ADGRL4: variants seen among roughly 807,000 people sequenced by gnomAD.
ADGRL4 encodes the protein adhesion G protein-coupled receptor L4.
Under a neutral mutation model 74.8 loss-of-function variants are expected in ADGRL4, and 90 were observed. That is an observed-to-expected ratio of 1.20 (90% confidence interval 1.02 to 1.43). ADGRL4 has a LOEUF of 1.43. Ranked by LOEUF, ADGRL4 falls within the 40% of genes most tolerant of loss-of-function variation. The pLI is 0.00. For missense variants in ADGRL4, 881 were observed against 814.3 expected (o/e 1.08, Z -1.00); for synonymous variants, 311 against 279.2 (o/e 1.11, Z -1.14).
chr1:78,900,673 A>G (rs936982125), intron 12 of ADGRL4, among the ~76,000 whole-genome samples: 3 of 151,832 alleles, frequency 2.0e-5, no homozygotes, highest in African/African-American at 4.8e-5. Flanking sequence ...TCCCTTCACT[A>G]TTCTTCTCTC....
Position 79,006,668 on chromosome 1 carries a change from A to C in ADGRL4, c.-14T>G. On this transcript the variant is annotated 5_prime_UTR_variant, in exon 1 of 15. Transcript: ENST00000370742. ...GAGGCGTTTCATTGGCGGTGGCCGC[A>C]GTGGTGGCGGTGGCGGAGAGCGCGG... The C allele has an allele frequency of 6.7e-7, 1 of 1,495,806 alleles. No homozygotes were observed. The highest frequency in any genetic ancestry group is 8.9e-7 in the Non-Finnish European group (1 of 1,124,392). 92.7% of individuals were successfully genotyped at this position (1,495,806 alleles called of 1,614,324 possible).
At chr1:78,998,858 C>A (rs972247816) in intron 2 of ADGRL4, among the ~76,000 whole-genome samples, 11 of 152,182 alleles carry the variant, frequency 7.2e-5, no homozygotes, top group African/African-American at 2.6e-4. Flanking sequence ...CTTTCTCTGG[C>A]AAATTACTTA....
chr1:78,893,083 T>C lies in ADGRL4; in HGVS notation c.1841+15A>G, dbSNP rs1461843911. On this transcript the variant is annotated intron_variant, in intron 13 of 14. Transcript: ENST00000370742. ...CAAAAAAAAAAAAAAAAAGTGAACT[T>C]AAAGACGCATTTACCTTATGTTCTC... is the stretch of plus-strand genomic sequence containing the variant. The C allele has an allele frequency of 7.2e-7, 1 of 1,388,682 alleles. No individual in the cohort carries two copies. The highest frequency in any genetic ancestry group is 2.5e-5 in the East Asian group (1 of 40,448). 86.0% of individuals were successfully genotyped at this position (1,388,682 alleles called of 1,614,324 possible).
chr1:78,992,769 T>A (rs2100735682), intron 2 of ADGRL4, among the ~76,000 whole-genome samples: 1 of 152,286 alleles, frequency 6.6e-6, no homozygotes, highest in South Asian at 2.1e-4. Flanking sequence ...TTCCATTTTT[T>A]ATCAATCCAA....
chr1:78,985,571 T>C (rs1459466374), intron 2 of ADGRL4, among the ~76,000 whole-genome samples: 3 of 151,872 alleles, frequency 2.0e-5, no homozygotes, highest in Non-Finnish European at 4.4e-5. Flanking sequence ...GATTTGTTAA[T>C]AACTATTGCA....
At chr1:78,983,435 G>A (rs1650434804) in intron 2 of ADGRL4, among the ~76,000 whole-genome samples, 1 of 147,600 alleles carries the variant, frequency 6.8e-6, no homozygotes, top group East Asian at 2.0e-4. Flanking sequence ...AGAGAACCAA[G>A]TAGAAGAAGC....
At position 78,938,009 on chromosome 1, in the gene ADGRL4, T is replaced by A; in HGVS notation, c.577-19A>T. On this transcript the variant is annotated intron_variant, in intron 5 of 14. Transcript: ENST00000370742. ...CAAATTCCTATTGAAAAAAAGTATG[T>A]CTTTTAGAAATGTTGGAATCCTACA... 1 of 1,607,350 alleles carries A rather than the reference T, an allele frequency of 6.2e-7. No individual in the cohort carries two copies. Among genetic ancestry groups the A allele is most frequent in the Non-Finnish European group, 8.5e-7 (1 of 1,177,744 alleles).
intron 13 of ADGRL4, 82 bp from the exon 14 acceptor site, chr1:78,891,774 G>T: frequency 1.6e-6 from 2 of 1,285,396 alleles, no homozygotes; most frequent in Non-Finnish European, 1.1e-6. Flanking sequence ...TATGTGGGAG[G>T]TGAGTTTTCA....
rs3063120 is a variant in ADGRL4, at chr1:78,969,707, GTTT to G, written c.173-23284_173-23282del. On this transcript the variant is annotated intron_variant, in intron 2 of 14. Coordinates refer to ENST00000370742, the MANE Select transcript of ADGRL4 (RefSeq NM_022159.4). ...TCAGTCCTTTGATGATGATTTGTGGGTTTTTTTTTTTTTTTAACAAAAATGAGG... is the reference window on the plus strand; with the variant it reads ...TCAGTCCTTTGATGATGATTTGTGGGTTTTTTTTTTTTAACAAAAATGAGG... 5.3e-3 allele frequency among the ~76,000 whole-genome samples: 767 copies of G among 144,002 alleles called. 3 individuals are homozygous for G. The highest frequency in any genetic ancestry group is 0.012 in the African/African-American group (462 of 39,316). 94.5% of individuals were successfully genotyped at this position (144,002 alleles called of 152,430 possible). A position where few individuals can be genotyped will look rare whatever the true frequency, so the allele number is the denominator to read the frequency against.
chr1:78,944,807 T>A (rs1385144980), intron 3 of ADGRL4, among the ~76,000 whole-genome samples: 2 of 152,140 alleles, frequency 1.3e-5, no homozygotes, highest in African/African-American at 4.8e-5. Flanking sequence ...CTTTTTTACA[T>A]AACAGAGTAA....
At chr1:79,005,270 T>G in intron 1 of ADGRL4, 51 bp from the exon 2 acceptor site, 6 of 1,359,872 alleles carry the variant, frequency 4.4e-6, no homozygotes, top group East Asian at 2.5e-5. Flanking sequence ...CAAACATCTC[T>G]CCCCATTGTT....
chr1:79,002,675 C>A (rs772696681), intron 2 of ADGRL4, among the ~76,000 whole-genome samples: 1 of 151,976 alleles, frequency 6.6e-6, no homozygotes, highest in African/African-American at 2.4e-5. Context: ...GAATCCAAGT[C>A]GGTTTGATTC....
chr1:78,939,335 ATC>A (rs1649427529), intron 3 of ADGRL4, 77 bp from the exon 4 acceptor site: 3 of 1,264,514 alleles, frequency 2.4e-6, no homozygotes, highest in Non-Finnish European at 3.1e-6. Context: ...AATCCCAATG[ATC>A]TTTCTCACTT....
At chr1:78,902,021 G>C (rs529306312) in intron 12 of ADGRL4, among the ~76,000 whole-genome samples, 1 of 152,230 alleles carries the variant, frequency 6.6e-6, no homozygotes, top group South Asian at 2.1e-4. Context: ...ACTAAAGTAG[G>C]CTCTTTATAT....
At chr1:79,003,675 T>A (rs758664193) in intron 2 of ADGRL4, among the ~76,000 whole-genome samples, 3 of 152,012 alleles carry the variant, frequency 2.0e-5, no homozygotes, top group African/African-American at 7.2e-5. Flanking sequence ...GAAAATTTTT[T>A]TATGTTACTT....
rs71643217 is a variant in ADGRL4 at position 78,981,885 on chromosome 1, T to C, written c.172+23185A>G. On this transcript the variant is annotated intron_variant, in intron 2 of 14. Coordinates refer to ENST00000370742, the MANE Select transcript of ADGRL4 (RefSeq NM_022159.4). ...TCCTTGACATAATTACAGCACAATT[T>C]ACTATTTTCACTTTATGTTCAATAT... Among the ~76,000 whole-genome samples, 479 of 151,956 alleles carry C rather than the reference T, an allele frequency of 3.2e-3. 2 individuals are homozygous for C. Among genetic ancestry groups the C allele is most frequent in the Non-Finnish European group, 5.5e-3 (375 of 67,854 alleles).
chr1:78,966,521 C>T (rs1473700426), intron 2 of ADGRL4, among the ~76,000 whole-genome samples: 1 of 152,116 alleles, frequency 6.6e-6, no homozygotes, highest in East Asian at 1.9e-4. Context: ...GCCTTTTCAT[C>T]CTTGGTCTTC....
intron 2 of ADGRL4, among the ~76,000 whole-genome samples, chr1:78,971,742 T>C (rs1021322): frequency 0.99 from 150,430 of 152,272 alleles, 74,341 homozygotes; most frequent in Middle Eastern, 1. Flanking sequence ...ATGACGTTCA[T>C]TGCAGGATTT....
Position 78,889,962 on chromosome 1 carries a change from A to T in ADGRL4, c.*1192T>A. 3.3e-6 allele frequency: 1 copy of T among 303,858 alleles called. No individual in the cohort carries two copies. The highest frequency in any genetic ancestry group is 4.9e-5 in the Admixed American group (1 of 20,316). The allele number at this position is 303,858 out of a possible 1,614,324, so 18.8% of individuals were successfully genotyped here. On this transcript the variant is annotated 3_prime_UTR_variant, in exon 15 of 15. Transcript: ENST00000370742. ...AGATTTAAAGACAGATAGAAGCTAT[A>T]TATTTAAGCAGATATGATTTAATAG...
Sources: allele counts gnomAD v4.1 joint callset (sites outside exome capture counted in the v4.1 genomes callset), GRCh38; gene constraint gnomAD v4.1.1; transcripts MANE v1.5; gene names NCBI Gene and HGNC (gene_info 2026-07-23, HGNC 2026-07-21).